Variants in TMEM150C observed in about 807,000 individuals in gnomAD.
TMEM150C encodes the protein tentonin 3.
In TMEM150C, 10 loss-of-function variants were observed where a neutral mutation model predicts 29.9. That is an observed-to-expected ratio of 0.33 (90% CI 0.21 to 0.57). The LOEUF (loss-of-function observed/expected upper bound fraction) is 0.57, where lower values mean the gene tolerates loss of function less well. Among genes scored for constraint, TMEM150C ranks in the 20% least tolerant of loss-of-function variants. The probability of loss-of-function intolerance (pLI) is 0.88; values close to 1 mark genes in which losing one functional copy is unlikely to be tolerated. For synonymous variants in TMEM150C, 101 were observed against 112.5 expected (o/e 0.90, Z 0.64); for missense variants, 251 against 303.6 (o/e 0.83, Z 1.29).
At chr4:82,551,557 G>A (rs1403068853) in intron 1 of TMEM150C, among the ~76,000 whole-genome samples, 1 of 152,208 alleles carries the variant, frequency 6.6e-6, no homozygotes, top group African/African-American at 2.4e-5. Flanking sequence ...CTTAGGGACA[G>A]AAAAGTCAGC....
At chr4:82,508,846 G>T (rs2110072470) in intron 1 of TMEM150C, among the ~76,000 whole-genome samples, 1 of 152,238 alleles carries the variant, frequency 6.6e-6, no homozygotes, top group Admixed American at 6.5e-5. Flanking sequence ...AAAAATTAAA[G>T]ATAATTCTTC....
intron 7 of TMEM150C, among the ~76,000 whole-genome samples, chr4:82,489,062 A>ATTTTTT (rs576894576): frequency 7.9e-6 from 1 of 126,096 alleles, no homozygotes; most frequent in Non-Finnish European, 1.7e-5. Flanking sequence ...GGATTTTTAG[A>ATTTTTT]TTTTTTTTTT....
intron 1 of TMEM150C, chr4:82,509,578 C>G (rs1274686110): frequency 6.6e-6 from 1 of 152,088 alleles, no homozygotes; most frequent in African/African-American, 2.4e-5. Flanking sequence ...GGCGGATCAT[C>G]TGAGGTCAGG....
chr4:82,502,112 A>G (rs1004861999), intron 5 of TMEM150C, among the ~76,000 whole-genome samples: 1 of 152,218 alleles, frequency 6.6e-6, no homozygotes, highest in African/African-American at 2.4e-5. Context: ...AGGACTATGC[A>G]GGGTCATGGA....
At chr4:82,560,044 C>T (rs538764423) in intron 1 of TMEM150C, among the ~76,000 whole-genome samples, 1 of 152,182 alleles carries the variant, frequency 6.6e-6, no homozygotes, top group Non-Finnish European at 1.5e-5. Flanking sequence ...CCCAAAAACC[C>T]CTGCAAGGTC....
At chr4:82,504,052 TTC>T (rs1723820884) in intron 2 of TMEM150C, among the ~76,000 whole-genome samples, 16 of 152,306 alleles carry the variant, frequency 1.1e-4, no homozygotes, top group Admixed American at 5.2e-4. Context: ...ACTAGTATTC[TTC>T]ACCACCGGCT....
At chr4:82,547,667 C>T (rs1246769889) in intron 1 of TMEM150C, among the ~76,000 whole-genome samples, 1 of 152,140 alleles carries the variant, frequency 6.6e-6, no homozygotes, top group African/African-American at 2.4e-5. Context: ...CATCTCCCAC[C>T]AGTCAGAATG....
chr4:82,502,205 G>A (rs1723759539), intron 5 of TMEM150C, among the ~76,000 whole-genome samples: 1 of 152,116 alleles, frequency 6.6e-6, no homozygotes, highest in Admixed American at 6.6e-5. Flanking sequence ...GAGTACTAAA[G>A]GTTTCTTCTT....
chr4:82,525,518 A>G (rs921372540), intron 1 of TMEM150C, among the ~76,000 whole-genome samples: 13 of 152,256 alleles, frequency 8.5e-5, no homozygotes, highest in Non-Finnish European at 1.6e-4. Context: ...TATTCAGGAT[A>G]AAGAAAGGGG....
intron 1 of TMEM150C, among the ~76,000 whole-genome samples, chr4:82,552,301 A>C (rs746578131): frequency 1.2e-4 from 18 of 152,212 alleles, no homozygotes; most frequent in Non-Finnish European, 2.2e-4. Context: ...AATGTTTTTG[A>C]ATACATAAGT....
chr4:82,521,838 C>T (rs560202918), intron 1 of TMEM150C, among the ~76,000 whole-genome samples: 1 of 152,080 alleles, frequency 6.6e-6, no homozygotes, highest in South Asian at 2.1e-4. Context: ...TGAAGGAGGC[C>T]ATGCTTGGGC....
At chr4:82,489,434 G>A in intron 7 of TMEM150C, among the ~76,000 whole-genome samples, 1 of 151,964 alleles carries the variant, frequency 6.6e-6, no homozygotes, top group Admixed American at 6.6e-5. Flanking sequence ...TCCTTTCCAG[G>A]TTTACTAGGA....
intron 1 of TMEM150C, among the ~76,000 whole-genome samples, chr4:82,529,715 C>T (rs762839775): frequency 9.9e-5 from 15 of 152,104 alleles, no homozygotes; most frequent in Non-Finnish European, 1.9e-4. Flanking sequence ...GCAGTTTCAG[C>T]AGGACTGTGG....
At chr4:82,546,106 C>T (rs1214614225) in intron 1 of TMEM150C, among the ~76,000 whole-genome samples, 1 of 152,070 alleles carries the variant, frequency 6.6e-6, no homozygotes, top group Non-Finnish European at 1.5e-5. Flanking sequence ...CCATGGAAAA[C>T]ATTCTATGCT....
chr4:82,491,807 A>G (rs889441197), intron 6 of TMEM150C, among the ~76,000 whole-genome samples: 7 of 151,594 alleles, frequency 4.6e-5, no homozygotes, highest in African/African-American at 1.7e-4. Context: ...TGGCCAATAT[A>G]TATTTACTGA....
intron 1 of TMEM150C, among the ~76,000 whole-genome samples, chr4:82,508,612 C>A (rs529871221): frequency 1.3e-5 from 2 of 152,084 alleles, no homozygotes; most frequent in Non-Finnish European, 2.9e-5. Context: ...ATTACAGGCA[C>A]CTGCCACCAC....
chr4:82,508,109 G>A (rs1397965956), intron 1 of TMEM150C, among the ~76,000 whole-genome samples: 1 of 152,052 alleles, frequency 6.6e-6, no homozygotes, highest in Non-Finnish European at 1.5e-5. Context: ...CAGACACCAT[G>A]AAAATAAACT....
rs1026005217 is a variant in TMEM150C at position 82,516,647 on chromosome 4, C to G, written c.-10-11980G>C. On this transcript the variant is annotated intron_variant, in intron 1 of 7. Coordinates refer to ENST00000449862, the MANE Select transcript of TMEM150C (RefSeq NM_001080506.3). ...AATGGTTGTCTCAGTACCACTGATGCCCATCCCATTTGTGGTCCAGAAAAA... is the reference window on the plus strand; with the variant it reads ...AATGGTTGTCTCAGTACCACTGATGGCCATCCCATTTGTGGTCCAGAAAAA... 4.6e-5 allele frequency among the ~76,000 whole-genome samples: 7 copies of G among 152,246 alleles called. No individual in the cohort carries two copies. In the East Asian group the frequency reaches 1.4e-3, roughly 29 times the overall value.
At chr4:82,486,284 C>T (rs1723155685) in intron 7 of TMEM150C, among the ~76,000 whole-genome samples, 1 of 142,632 alleles carries the variant, frequency 7.0e-6, no homozygotes, top group Non-Finnish European at 1.5e-5. Context: ...AAATGGTGAG[C>T]CAAGACCGGC....
Sources: gnomAD v4.1 joint callset for allele counts (sites outside exome capture counted in the v4.1 genomes callset) on GRCh38, gnomAD v4.1.1 for gene constraint, MANE v1.5 for transcripts, NCBI Gene and HGNC (gene_info 2026-07-23, HGNC 2026-07-21) for gene names.